CCDC33: variants seen among roughly 807,000 people sequenced by gnomAD.
The protein encoded by CCDC33 is coiled-coil domain containing 33.
CCDC33 carries 94 observed loss-of-function variants against 91.9 expected under a neutral mutation model. That is an observed-to-expected ratio of 1.02 (90% CI 0.87 to 1.21). The LOEUF (loss-of-function observed/expected upper bound fraction) is 1.21. Ranked by LOEUF, CCDC33 falls within the 50% of genes most tolerant of loss-of-function variation. The probability of loss-of-function intolerance (pLI) is 0.00; values close to 1 mark genes in which losing one functional copy is unlikely to be tolerated. For missense variants in CCDC33, 940 were observed against 935.5 expected, an observed-to-expected ratio of 1.00 and a Z score of -0.06; for synonymous variants, 396 against 374.5, an observed-to-expected ratio of 1.06 and a Z score of -0.66.
At chr15:74,286,258 A>C (rs1205788692) in intron 10 of CCDC33, among the ~76,000 whole-genome samples, 1 of 152,094 alleles carries the variant, frequency 6.6e-6, no homozygotes, top group East Asian at 1.9e-4. Flanking sequence ...AAACAAAAAC[A>C]AACAAACAAA....
intron 11 of CCDC33, among the ~76,000 whole-genome samples, chr15:74,307,306 A>G (rs2059909624): frequency 6.6e-6 from 1 of 152,140 alleles, no homozygotes; most frequent in African/African-American, 2.4e-5. Flanking sequence ...TTTTAATAAC[A>G]CTAAGTGTTC....
At position 74,279,988 on chromosome 15, in the gene CCDC33, A is replaced by G; in HGVS notation, c.785A>G (p.Glu262Gly). ...CTGTCCAAGCCTGGGGGACCCCCAG[A>G]GCAGCCCCTGTGGAATCAGTCCTTC... ...PQLSKPGGPP[E>G]QPLWNQSFLF... The change falls in exon 8 of 19, where the codon GAG becomes GGG. Residue 262 changes from glutamate to glycine, a missense_variant. Physicochemically the swap from Glu to Gly is moderately conservative, Grantham distance 98. Transcript: ENST00000398814. 3.1e-6 allele frequency: 5 copies of G among 1,614,058 alleles called. No individual in the cohort carries two copies. Among genetic ancestry groups the G allele is most frequent in the Non-Finnish European group, 4.2e-6 (5 of 1,179,966 alleles).
At chr15:74,273,724 C>G (rs1208339406) in intron 7 of CCDC33, among the ~76,000 whole-genome samples, 1 of 152,030 alleles carries the variant, frequency 6.6e-6, no homozygotes, top group Non-Finnish European at 1.5e-5. Flanking sequence ...CCGCTTTGGC[C>G]TCCCAAAAGG....
chr15:74,258,834 C>T (rs955828164), intron 2 of CCDC33, among the ~76,000 whole-genome samples: 1 of 152,184 alleles, frequency 6.6e-6, no homozygotes, highest in Non-Finnish European at 1.5e-5. Context: ...TAGTCATGAC[C>T]TTGCAGAAGG....
At chr15:74,230,734 TG>T (rs2142195258) in intron 2 of CCDC33, among the ~76,000 whole-genome samples, 1 of 152,324 alleles carries the variant, frequency 6.6e-6, no homozygotes, top group African/African-American at 2.4e-5. Context: ...AAGCTCACTG[TG>T]GGGCTGCCTA....
chr15:74,262,418 A>G (rs1258037943), intron 2 of CCDC33, 22 bp from the exon 3 acceptor site: 1 of 1,613,126 alleles, frequency 6.2e-7, no homozygotes, highest in South Asian at 1.1e-5. Flanking sequence ...CCTTTGACTC[A>G]CCCTGCCCCT....
chr15:74,208,053 A>G (rs142360517), intron 1 of CCDC33: 1 of 1,299,124 alleles, frequency 7.7e-7, no homozygotes, highest in African/African-American at 1.5e-5. Flanking sequence ...TCATCATAAC[A>G]TAAAGGATTT....
At position 74,324,160 on chromosome 15, in the gene CCDC33, A is replaced by G. The variant is rs143383982; in HGVS notation, c.1291-6029A>G. Among the ~76,000 whole-genome samples the G allele has an allele frequency of 4.6e-5, 7 of 150,698 alleles. No individual in the cohort carries two copies. In the East Asian group the frequency reaches 1.4e-3, roughly 30 times the overall value. ...TGCTTTGCTTCTTTATACTGTCGCT[A>G]CCTGAGCATGCCTCTCGAATCACTC... is the stretch of plus-strand genomic sequence containing the variant. On this transcript the variant is annotated intron_variant, in intron 11 of 18. Transcript: ENST00000398814.
At chr15:74,249,494 AT>A (rs949419810) in intron 2 of CCDC33, among the ~76,000 whole-genome samples, 8 of 132,216 alleles carry the variant, frequency 6.1e-5, no homozygotes, top group African/African-American at 9.2e-5. Flanking sequence ...TCTAAAAAAA[AT>A]AATAAAAAAA....
chr15:74,278,718 C>A (rs1444687627), intron 7 of CCDC33, among the ~76,000 whole-genome samples: 1 of 152,246 alleles, frequency 6.6e-6, no homozygotes, highest in Non-Finnish European at 1.5e-5. Context: ...TCCTTCAGAG[C>A]CTTTCTCTGG....
chr15:74,222,616 A>G (rs2074640024), intron 2 of CCDC33, among the ~76,000 whole-genome samples: 1 of 151,642 alleles, frequency 6.6e-6, no homozygotes, highest in African/African-American at 2.4e-5. Flanking sequence ...TAATAAAGCA[A>G]TCACCAAACG....
At chr15:74,228,727 G>T (rs2074875752) in intron 2 of CCDC33, among the ~76,000 whole-genome samples, 1 of 152,216 alleles carries the variant, frequency 6.6e-6, no homozygotes, top group African/African-American at 2.4e-5. Flanking sequence ...ATTGCTTTTT[G>T]TCGGCGGGTG....
At chr15:74,326,965 G>A (rs1222541069) in intron 11 of CCDC33, among the ~76,000 whole-genome samples, 2 of 152,202 alleles carry the variant, frequency 1.3e-5, no homozygotes, top group Non-Finnish European at 2.9e-5. Context: ...CTCATCTGCA[G>A]GCAGTGTCCT....
At chr15:74,280,576 A>G (rs351164) in intron 8 of CCDC33, 92 bp from the exon 9 acceptor site, 1,368,311 of 1,373,820 alleles carry the variant, frequency 1, 681,538 homozygotes, top group East Asian at 1. Flanking sequence ...GAAAGCAGGC[A>G]GCGGGAGACA....
intron 2 of CCDC33, among the ~76,000 whole-genome samples, chr15:74,260,688 C>T (rs1214300726): frequency 1.3e-5 from 2 of 152,140 alleles, no homozygotes; most frequent in Non-Finnish European, 2.9e-5. Flanking sequence ...CATTCCCAAG[C>T]CTGTGCTCTT....
chr15:74,233,144 C>A (rs1269220820), upstream of CCDC33, among the ~76,000 whole-genome samples: 1 of 152,220 alleles, frequency 6.6e-6, no homozygotes, highest in Non-Finnish European at 1.5e-5. Flanking sequence ...CTGCTCTGAA[C>A]GTGTGTGCAG....
chr15:74,209,781 TGGTGCTCAGAG>T (rs2074342712), intron 2 of CCDC33: 1 of 263,928 alleles, frequency 3.8e-6, no homozygotes. Context: ...GGGAAGGAAA[TGGTGCTCAGAG>T]GGTGCTCCAC....
intron 2 of CCDC33, among the ~76,000 whole-genome samples, chr15:74,220,634 G>A (rs78692188): frequency 2.0e-5 from 3 of 152,196 alleles, no homozygotes; most frequent in East Asian, 3.8e-4. Context: ...TGGCTGAGTC[G>A]AACTCGGCAG....
At chr15:74,230,329 AC>A (rs2074930484) in intron 2 of CCDC33, among the ~76,000 whole-genome samples, 1 of 151,538 alleles carries the variant, frequency 6.6e-6, no homozygotes, top group African/African-American at 2.4e-5. Flanking sequence ...CTCTGAGTAG[AC>A]CCCCCACCCA....
Sources: gnomAD v4.1 joint callset for allele counts (sites outside exome capture counted in the v4.1 genomes callset) on GRCh38, gnomAD v4.1.1 for gene constraint, MANE v1.5 for transcripts, NCBI Gene and HGNC (gene_info 2026-07-23, HGNC 2026-07-21) for gene names.